UNKL: variants seen among roughly 807,000 people sequenced by gnomAD.
UNKL encodes the protein putative E3 ubiquitin-protein ligase UNKL.
UNKL carries 60 observed loss-of-function variants against 78.0 expected under a neutral mutation model. That is an observed-to-expected ratio of 0.77 (90% confidence interval 0.63 to 0.95). The LOEUF (loss-of-function observed/expected upper bound fraction) is 0.95. Among genes scored for constraint, UNKL ranks in the 40% least tolerant of loss-of-function variants. The probability of loss-of-function intolerance (pLI) is 0.00; values close to 1 mark genes in which losing one functional copy is unlikely to be tolerated. For synonymous variants in UNKL, 608 were observed against 474.8 expected, an observed-to-expected ratio of 1.28 and a Z score of -3.65; for missense variants, 1,159 against 1,045.7, an observed-to-expected ratio of 1.11 and a Z score of -1.49.
At chr16:1,397,331 C>A in intron 5 of UNKL, 36 bp from the exon 6 acceptor site, 1 of 524,024 alleles carries the variant, frequency 1.9e-6, no homozygotes, top group Non-Finnish European at 2.6e-6. Context: ...ACACAGAGGA[C>A]TTGGCTCCCC....
At chr16:1,398,278 T>C in intron 5 of UNKL, 1 of 995,652 alleles carries the variant, frequency 1.0e-6, no homozygotes, top group Admixed American at 5.4e-5. Flanking sequence ...CTCTGTCTCA[T>C]AAAAAAACAA....
intron 6 of UNKL, 39 bp from the exon 7 acceptor site, chr16:1,394,254 T>C: frequency 6.5e-7 from 1 of 1,545,122 alleles, no homozygotes; most frequent in Non-Finnish European, 8.8e-7. Flanking sequence ...GGATTGGAAA[T>C]GGGATTCTGT....
At position 1,391,271 on chromosome 16, in the gene UNKL, CACACACACACACAT is replaced by C. The variant is rs1432642723; in HGVS notation, c.1024-591_1024-578del. Among the ~76,000 whole-genome samples, 19 of 3,552 alleles carry C rather than the reference CACACACACACACAT, an allele frequency of 5.3e-3. 1 individual carries two copies. The South Asian group carries it at 0.24, about 46-fold the overall frequency. The allele number at this position is 3,552 out of a possible 152,430, so 2.3% of individuals were successfully genotyped here. On this transcript the variant is annotated intron_variant, in intron 8 of 14. Coordinates refer to ENST00000389221, the MANE Select transcript of UNKL (RefSeq NM_001372107.1). ...ACACACACACACACACACACACACA[CACACACACACACAT>C]AAGCTCTGCTCAGAATTTAGACGAA...
intron 2 of UNKL, among the ~76,000 whole-genome samples, chr16:1,409,111 G>A (rs2037918487): frequency 6.6e-6 from 1 of 152,038 alleles, no homozygotes; most frequent in Admixed American, 6.6e-5. Context: ...TAGAGACGGG[G>A]TTTCACCATG....
chr16:1,406,413 A>G (rs889840813), intron 2 of UNKL, among the ~76,000 whole-genome samples: 3 of 152,104 alleles, frequency 2.0e-5, no homozygotes, highest in African/African-American at 7.2e-5. Context: ...GGGTTTCACC[A>G]TGTTGACCAG....
Position 1,387,280 on chromosome 16 carries a change from T to G in UNKL, c.1087-1895A>C, listed in dbSNP as rs1187652836. Among the ~76,000 whole-genome samples the G allele has an allele frequency of 6.6e-6, 1 of 152,150 alleles. No individual in the cohort carries two copies. Among genetic ancestry groups the G allele is most frequent in the African/African-American group, 2.4e-5 (1 of 41,428 alleles). The stretch of plus-strand genomic sequence containing the variant: ...AATACCCCCTATCAATCCCCCATGG[T>G]GAGCCTGGTGACAGGGTTGCTGGAA... On this transcript the variant is annotated intron_variant, in intron 9 of 14. Coordinates refer to ENST00000389221, the MANE Select transcript of UNKL (RefSeq NM_001372107.1). The surrounding 1 kb of genome is among the most constrained non-coding windows in gnomAD (Gnocchi z 4.1).
chr16:1,408,260 G>GCCCCC (rs35934973), intron 2 of UNKL, among the ~76,000 whole-genome samples: 3 of 150,214 alleles, frequency 2.0e-5, no homozygotes, highest in African/African-American at 4.9e-5. Context: ...CATGGGAGCT[G>GCCCCC]CCCCCCCCCC....
In UNKL at chr16:1,369,969, G is replaced by A. The variant is rs776754021; in HGVS notation, c.1585+161C>T. 8.9e-5 allele frequency: 138 copies of A among 1,550,244 alleles called. 2 individuals carry two copies. In the Admixed American group the frequency reaches 2.2e-3, roughly 25 times the overall value. ...CAACCTGGGCGACAGAGCGAGACTC[G>A]GTCTGCGGCGTGGGGGAACCTGTGA... On this transcript the variant is annotated intron_variant, in intron 12 of 14. Coordinates refer to ENST00000389221, the MANE Select transcript of UNKL (RefSeq NM_001372107.1).
At chr16:1,393,853 C>T (rs1203371070) in intron 7 of UNKL, among the ~76,000 whole-genome samples, 1 of 152,200 alleles carries the variant, frequency 6.6e-6, no homozygotes, top group Non-Finnish European at 1.5e-5. Context: ...GACTCAGCCT[C>T]CAGGCTCAGG....
At chr16:1,397,039 C>T (rs1218849257) in intron 6 of UNKL, 139 bp downstream of exon 6, 8 of 893,654 alleles carry the variant, frequency 9.0e-6, no homozygotes, top group South Asian at 1.6e-5. Context: ...CATGCCTCCA[C>T]CCCCAGGCTT....
chr16:1,388,189 T>A (rs2036899126), intron 9 of UNKL, among the ~76,000 whole-genome samples: 1 of 152,100 alleles, frequency 6.6e-6, no homozygotes, highest in South Asian at 2.1e-4. Context: ...ACAGGGAGTC[T>A]GTGCCCCGCA....
chr16:1,375,567 G>A (rs979107046), intron 10 of UNKL, among the ~76,000 whole-genome samples: 9 of 152,152 alleles, frequency 5.9e-5, no homozygotes, highest in Non-Finnish European at 1.0e-4. Context: ...GGCACACGGC[G>A]CATGCGGGAG....
Position 1,364,512 on chromosome 16 carries a change from C to G in UNKL, c.*1728G>C, listed in dbSNP as rs983981170. On this transcript the variant is annotated 3_prime_UTR_variant, in exon 15 of 15. Transcript: ENST00000389221. ...GCCAGGTCGCCGTAAACCACAGATGCCTGTTCCTGCTCAACTCCTAGGGAC... is the reference window on the plus strand; with the variant it reads ...GCCAGGTCGCCGTAAACCACAGATGGCTGTTCCTGCTCAACTCCTAGGGAC... 2.6e-5 allele frequency: 4 copies of G among 152,246 alleles called. No homozygotes were observed. The East Asian group carries it at 7.7e-4, about 29-fold the overall frequency. 9.4% of individuals were successfully genotyped at this position (152,246 alleles called of 1,614,324 possible). A position where few individuals can be genotyped will look rare whatever the true frequency, so the allele number is the denominator to read the frequency against.
chr16:1,367,943 C>A (rs1178417791), intron 12 of UNKL, 85 bp from the exon 13 acceptor site: 3 of 1,284,222 alleles, frequency 2.3e-6, no homozygotes, highest in African/African-American at 1.5e-5. Context: ...CCAGGCCCCA[C>A]CGCTACGTGG....
intron 6 of UNKL, 122 bp downstream of exon 6, chr16:1,397,056 C>T: frequency 9.1e-7 from 1 of 1,093,478 alleles, no homozygotes; most frequent in Non-Finnish European, 1.3e-6. Context: ...GCTTCCCGAC[C>T]TGTGCCAGCC....
At chr16:1,373,020 C>CTG (rs2035990364) in intron 10 of UNKL, among the ~76,000 whole-genome samples, 1 of 8,130 alleles carries the variant, frequency 1.2e-4, no homozygotes, top group Non-Finnish European at 1.7e-4. Context: ...CCGGCCAACA[C>CTG]CGCAGAGACC....
intron 10 of UNKL, chr16:1,378,907 A>C (rs1478317543): frequency 6.6e-6 from 1 of 152,368 alleles, no homozygotes; most frequent in Non-Finnish European, 1.5e-5. Flanking sequence ...CTTCTCCCCC[A>C]CCTCACCTCA....
rs146927576 is a variant in UNKL, at chr16:1,399,959, C to A, written c.599-450G>T. Among the ~76,000 whole-genome samples, 5 of 4,582 alleles carry A rather than the reference C, an allele frequency of 1.1e-3. No individual in the cohort carries two copies. The highest frequency in any genetic ancestry group is 6.3e-3 in the Admixed American group (1 of 160). 3.0% of individuals were successfully genotyped at this position (4,582 alleles called of 152,430 possible). On this transcript the variant is annotated intron_variant, in intron 4 of 14. Transcript: ENST00000389221. This position sits in a 1 kb window ranked among gnomAD's most constrained non-coding sequence, Gnocchi z 5.8. ...CATGCGCACCACAGCCTCTGGGTGA[C>A]AAGCACACATCAGTGTGGGTTCACT...
intron 10 of UNKL, among the ~76,000 whole-genome samples, chr16:1,372,330 A>C (rs1361275525): frequency 6.6e-6 from 1 of 152,132 alleles, no homozygotes; most frequent in Non-Finnish European, 1.5e-5. Flanking sequence ...GCAGGTGTTC[A>C]CGTGCAATTT....
Sources: gnomAD v4.1 joint callset for allele counts (sites outside exome capture counted in the v4.1 genomes callset) on GRCh38, gnomAD v4.1.1 for gene constraint, Gnocchi (gnomAD v3.1) non-coding constraint, MANE v1.5 for transcripts, NCBI Gene and HGNC (gene_info 2026-07-23, HGNC 2026-07-21) for gene names.